The following PLEC variants were observed in gnomAD, a reference collection of about 807,000 sequenced individuals.
PLEC encodes the protein hemidesmosomal protein 1.
A neutral mutation model predicts 392.8 loss-of-function variants in PLEC; 216 were observed. That is an observed-to-expected ratio of 0.55 (90% CI 0.49 to 0.62). The LOEUF (loss-of-function observed/expected upper bound fraction) is 0.62, where lower values mean the gene tolerates loss of function less well. Ranked by LOEUF, PLEC falls within the 20% of genes least tolerant of loss-of-function variation. The pLI, the probability that PLEC is intolerant of heterozygous loss-of-function variation, is 0.00. For missense variants in PLEC, 6,863 were observed against 6,563.4 expected (o/e 1.05, Z -1.58); for synonymous variants, 3,621 against 2,980.6 (o/e 1.21, Z -7.00).
In PLEC at chr8:143,927,865, C is replaced by T. The variant is rs1306586203; in HGVS notation, c.3388G>A (p.Ala1130Thr). ...ATLPELEATK[A>T]SLKKLRAQAE... is the part of the protein sequence containing the mutation. ...CCTCGAAACGATACCTTCAGAGAGGCCTTGGTGGCCTCGAGCTCCGGGAGG... is the reference window on the plus strand; with the variant it reads ...CCTCGAAACGATACCTTCAGAGAGGTCTTGGTGGCCTCGAGCTCCGGGAGG... The change falls in exon 26 of 32, where the codon GCC (alanine) becomes ACC (threonine). Residue 1130 changes from alanine (A) to threonine (T), a missense_variant. Physicochemically the swap from Ala to Thr is moderately conservative, Grantham distance 58. Transcript: ENST00000345136. The T allele has an allele frequency of 6.3e-7, 1 of 1,590,498 alleles. No homozygotes were observed. The highest frequency in any genetic ancestry group is 1.1e-5 in the South Asian group (1 of 88,280).
intron 1 of PLEC, among the ~76,000 whole-genome samples, chr8:143,967,626 A>T (rs1277360162): frequency 6.6e-6 from 1 of 152,074 alleles, no homozygotes; most frequent in Non-Finnish European, 1.5e-5. Flanking sequence ...TCCCTGATGT[A>T]AAAAGGTGTA....
Position 143,932,664 on chromosome 8 carries a change from G to C in PLEC, c.1786C>G (p.Arg596Gly), listed in dbSNP as rs556691235. 6.8e-6 allele frequency: 11 copies of C among 1,610,680 alleles called. No homozygotes were observed. Among genetic ancestry groups the C allele is most frequent in the East Asian group, 2.2e-5 (1 of 44,796 alleles). The change falls in exon 15 of 32, where the codon CGG becomes GGG. Residue 596 changes from arginine (R) to glycine (G), a missense_variant. By Grantham distance (125) the Arg-to-Gly change is moderately radical (BLOSUM62 -2). Coordinates refer to ENST00000345136, the MANE Select transcript of PLEC (RefSeq NM_201384.3). ...AGCTTGGCGTACTGCAGGTCCAGCC[G>C]ACCCAGGCAGTCACGGTAGGCACCC... is the stretch of plus-strand genomic sequence containing the variant. ...TRGAYRDCLG[R>G]LDLQYAKLLN...
upstream of PLEC, chr8:143,939,653 C>T (rs1216572841): frequency 1.5e-5 from 21 of 1,419,020 alleles, no homozygotes; most frequent in East Asian, 8.0e-5. Context: ...GGCCCGCCCC[C>T]GAGGCCCCAC....
rs782194846 is a variant in PLEC at position 143,923,849 on chromosome 8, C to T, written c.6080G>A (p.Arg2027Gln). 2.3e-5 allele frequency: 37 copies of T among 1,588,972 alleles called. No homozygotes were observed. The highest frequency in any genetic ancestry group is 1.7e-4 in the Middle Eastern group (1 of 5,902). Residue 2027 changes from arginine (R) to glutamine (Q), a missense_variant, in exon 31 of 32, where the codon CGA becomes CAA. Transcript: ENST00000345136. ...CTGCCGCGCCGACTCCTGCTCCGCT[C>T]GCTCCCGCAGGCGCCGCGCCTCCTC... ...KVEEARRLRE[R>Q]AEQESARQLQ...
chr8:143,948,948 C>T (rs782409897), intron 1 of PLEC, among the ~76,000 whole-genome samples: 57 of 152,324 alleles, frequency 3.7e-4, no homozygotes, highest in African/African-American at 1.3e-3. Flanking sequence ...TTGTCTCATG[C>T]CTCCTGTCGG....
At position 143,919,307 on chromosome 8, in the gene PLEC, G is replaced by C. The variant is rs1199435903; in HGVS notation, c.10514C>G (p.Pro3505Arg). The change falls in exon 32 of 32, where the codon CCC (proline) becomes CGC (arginine). Residue 3505 changes from proline to arginine, a missense_variant. Coordinates refer to ENST00000345136, the MANE Select transcript of PLEC (RefSeq NM_201384.3). ...SEEMNRVLADPSDDTKGFFDP... is the reference protein window; with the variant it reads ...SEEMNRVLADRSDDTKGFFDP... ...AAAGAAGCCCTTGGTGTCGTCGCTG[G>C]GGTCCGCCAGGACGCGGTTCATCTC... 3.1e-6 allele frequency: 5 copies of C among 1,613,886 alleles called. No individual in the cohort carries two copies. The highest frequency in any genetic ancestry group is 4.2e-6 in the Non-Finnish European group (5 of 1,180,042).
At position 143,937,067 on chromosome 8, in the gene PLEC, T is replaced by C; in HGVS notation, c.347A>G (p.Lys116Arg). ...GTCATCATTCCTGATGTTCACCAGC[T>C]TCACCTGTGAGCGAGGGGCTCTCGG... ...ALDYLRHRQV[K>R]LVNIRNDDIA... is the part of the protein sequence containing the mutation. Residue 116 changes from lysine (K) to arginine (R), a missense_variant, in exon 5 of 32, where the codon AAG becomes AGG. Transcript: ENST00000345136. 1 of 1,612,816 alleles carries C rather than the reference T, an allele frequency of 6.2e-7. No homozygotes were observed. Among genetic ancestry groups the C allele is most frequent in the Non-Finnish European group, 8.5e-7 (1 of 1,179,648 alleles).
intron 3 of PLEC, chr8:143,937,665 ACGGGC>A (rs1829415531): frequency 2.0e-6 from 1 of 489,262 alleles, no homozygotes. Flanking sequence ...GGGTTGGCCG[ACGGGC>A]CACCAGCCCC....
At chr8:143,932,268 G>A (rs1554716658) in intron 16 of PLEC, 34 bp from the exon 17 acceptor site, 2 of 1,609,052 alleles carry the variant, frequency 1.2e-6, no homozygotes, top group Non-Finnish European at 1.7e-6. Flanking sequence ...AGGGACGGCC[G>A]GCCACACCCG....
At chr8:143,946,363 A>G in intron 1 of PLEC, 1 of 1,288,856 alleles carries the variant, frequency 7.8e-7, no homozygotes, top group South Asian at 1.2e-5. Flanking sequence ...GGCCCAGCTG[A>G]ATCAGCTCCT....
chr8:143,975,272 A>C (rs782685814), upstream of PLEC: 4 of 1,609,572 alleles, frequency 2.5e-6, no homozygotes, highest in East Asian at 8.9e-5. The surrounding 1 kb of genome is among the most constrained non-coding windows in gnomAD (Gnocchi z 9.9). Flanking sequence ...CGTTTTCCCA[A>C]GGTTCCAGGG....
At chr8:143,950,066 C>T (rs893838133) in intron 1 of PLEC, 20 of 1,319,912 alleles carry the variant, frequency 1.5e-5, no homozygotes, top group South Asian at 1.2e-4. Flanking sequence ...CTGGTGTGAG[C>T]GACGCTCCGC....
At position 143,929,102 on chromosome 8, in the gene PLEC, C is replaced by T; in HGVS notation, c.3260+1G>A. On this transcript the variant is annotated splice_donor_variant, in intron 25 of 31. Coordinates refer to ENST00000345136, the MANE Select transcript of PLEC (RefSeq NM_201384.3). LOFTEE classifies it high-confidence loss of function. ...CCTCGCCTGTGGCCAGGTGCACTCA[C>T]TTCTCCAGGTAGATGGCAGACAGGC... is the stretch of plus-strand genomic sequence containing the variant. 6.4e-7 allele frequency: 1 copy of T among 1,570,628 alleles called. No individual in the cohort carries two copies. The highest frequency in any genetic ancestry group is 8.6e-7 in the Non-Finnish European group (1 of 1,158,424).
chr8:143,927,583 T>G lies in PLEC; in HGVS notation c.3583A>C (p.Thr1195Pro), dbSNP rs1554707954. 1.3e-6 allele frequency: 2 copies of G among 1,589,898 alleles called. No individual in the cohort carries two copies. Among genetic ancestry groups the G allele is most frequent in the Non-Finnish European group, 1.7e-6 (2 of 1,175,382 alleles). Residue 1195 changes from threonine to proline, a missense_variant, in exon 27 of 32, where the codon ACC (threonine) becomes CCC (proline). Transcript: ENST00000345136. ...TCGAGCTCGCGCTGCCGCACGTCGG[T>G]CTGGGCCAGCACAGCCTGCCAGCGC... ...LERWQAVLAQ[T>P]DVRQRELEQL...
rs782268192 is a variant in PLEC, at chr8:143,921,156, C to G, written c.8665G>C (p.Ala2889Pro). Residue 2889 changes from alanine to proline, a missense_variant, in exon 32 of 32, where the codon GCC (alanine) becomes CCC (proline). Physicochemically the swap from Ala to Pro is conservative, Grantham distance 27. Coordinates refer to ENST00000345136, the MANE Select transcript of PLEC (RefSeq NM_201384.3). ...LCLLPLTDKA[A>P]KGGELVYTDS... is the part of the protein sequence containing the mutation. ...GTGTAGACCAGCTCCCCGCCCTTGG[C>G]AGCCTTATCCGTGAGTGGCAGAAGG... 5.6e-6 allele frequency: 9 copies of G among 1,613,564 alleles called. No homozygotes were observed. In the Admixed American group the frequency reaches 1.3e-4, roughly 24 times the overall value.
chr8:143,919,664 G>T lies in PLEC; in HGVS notation c.10157C>A (p.Ala3386Glu), dbSNP rs532234200. The T allele has an allele frequency of 6.3e-7, 1 of 1,594,884 alleles. No individual in the cohort carries two copies. The highest frequency in any genetic ancestry group is 2.2e-5 in the East Asian group (1 of 44,664). Residue 3386 changes from alanine to glutamate, a missense_variant, in exon 32 of 32, where the codon GCG becomes GAG. Ala to Glu is a moderately radical substitution (Grantham distance 107, BLOSUM62 -1). Transcript: ENST00000345136. ...RRGLLRATTA[A>E]LLLEAQAATG... is the part of the protein sequence containing the mutation. ...GGCCGCCTGCGCCTCCAGCAGGAGC[G>T]CAGCCGTTGTGGCTCTCAGCAGGCC... is the stretch of plus-strand genomic sequence containing the variant.
In PLEC at chr8:143,929,694, C is replaced by T. The variant is rs201071539; in HGVS notation, c.2875G>A (p.Gly959Ser). 20 of 1,599,530 alleles carry T rather than the reference C, an allele frequency of 1.3e-5. No homozygotes were observed. The highest frequency in any genetic ancestry group is 4.5e-5 in the East Asian group (2 of 44,802). Residue 959 changes from glycine to serine, a missense_variant, in exon 23 of 32, where the codon GGC (glycine) becomes AGC (serine). Coordinates refer to ENST00000345136, the MANE Select transcript of PLEC (RefSeq NM_201384.3). Reference sequence around the variant, plus strand: ...TGCTGGTAGTGGTGGCTGCAGGAGCCGTACTCGCGCTCAGCCATCAGCCGG... The same window carrying T: ...TGCTGGTAGTGGTGGCTGCAGGAGCTGTACTCGCGCTCAGCCATCAGCCGG... Reference protein sequence around the residue: ...EDRLMAEREYGSCSHHYQQLL... With the variant: ...EDRLMAEREYSSCSHHYQQLL...
chr8:143,930,582 A>G, intron 19 of PLEC, 46 bp from the exon 20 acceptor site: 1 of 1,551,958 alleles, frequency 6.4e-7, no homozygotes, highest in Non-Finnish European at 8.7e-7. Flanking sequence ...GGAGACCCAC[A>G]GGCCTGCCCC....
Position 143,927,897 on chromosome 8 carries a change from G to A in PLEC, c.3356C>T (p.Pro1119Leu), listed in dbSNP as rs782567448. The stretch of plus-strand genomic sequence containing the variant: ...GGCCTCGAGCTCCGGGAGGGTGGCC[G>A]GCACGGCCTGGGCCTCCTTGAGCTG... ...EEQLKEAQAV[P>L]ATLPELEATK... The change falls in exon 26 of 32, where the codon CCG becomes CTG. Residue 1119 changes from proline to leucine, a missense_variant. Pro to Leu is a moderately conservative substitution (Grantham distance 98, BLOSUM62 -3). Coordinates refer to ENST00000345136, the MANE Select transcript of PLEC (RefSeq NM_201384.3). 18 of 1,594,372 alleles carry A rather than the reference G, an allele frequency of 1.1e-5. No individual in the cohort carries two copies. Among genetic ancestry groups the A allele is most frequent in the East Asian group, 4.5e-5 (2 of 43,990 alleles).
Sources: gnomAD v4.1 joint callset for allele counts (sites outside exome capture counted in the v4.1 genomes callset) on GRCh38, gnomAD v4.1.1 for gene constraint, Gnocchi (gnomAD v3.1) non-coding constraint, MANE v1.5 for transcripts, NCBI Gene and HGNC (gene_info 2026-07-23, HGNC 2026-07-21) for gene names.